The following DDX18 variants were observed in gnomAD, a reference collection of about 807,000 sequenced individuals.
The protein encoded by DDX18 is DEAD-box helicase 18.
DDX18 carries 23 observed loss-of-function variants against 73.5 expected under a neutral mutation model. The ratio of observed to expected loss-of-function variants is 0.31; its 90% confidence interval spans 0.23 to 0.44. DDX18 has a LOEUF of 0.44. Ranked by LOEUF, DDX18 falls within the 20% of genes least tolerant of loss-of-function variation. DDX18 has a pLI of 1.00. For missense variants in DDX18, 753 were observed against 792.9 expected (o/e 0.95, Z 0.60); for synonymous variants, 268 against 282.7 (o/e 0.95, Z 0.52).
chr2:117,820,006 C>G (rs1308719915), intron 3 of DDX18, among the ~76,000 whole-genome samples: 2 of 152,088 alleles, frequency 1.3e-5, no homozygotes, highest in East Asian at 1.9e-4. Flanking sequence ...TCCTTTTGTT[C>G]ATTCCTGACA....
At position 117,831,394 on chromosome 2, in the gene DDX18, T is replaced by A. The variant is rs1023670018; in HGVS notation, c.*670T>A. ...TTTGAATAAAGTGTCACTAAGCAGT[T>A]ATAACGTTTGATGGCTGGGGGGTAG... On this transcript the variant is annotated 3_prime_UTR_variant, in exon 14 of 14. Coordinates refer to ENST00000263239, the MANE Select transcript of DDX18 (RefSeq NM_006773.4). 1 of 152,240 alleles carries A rather than the reference T, an allele frequency of 6.6e-6. No individual in the cohort carries two copies. Among genetic ancestry groups the A allele is most frequent in the African/African-American group, 2.4e-5 (1 of 41,430 alleles). 9.4% of individuals were successfully genotyped at this position (152,240 alleles called of 1,614,324 possible).
chr2:117,823,335 A>G (rs1046425808), intron 7 of DDX18, among the ~76,000 whole-genome samples: 1 of 152,080 alleles, frequency 6.6e-6, no homozygotes, highest in Non-Finnish European at 1.5e-5. Flanking sequence ...TATTTTCTCT[A>G]TCATATTTAG....
intron 2 of DDX18, among the ~76,000 whole-genome samples, chr2:117,818,444 A>C (rs1327591944): frequency 6.6e-6 from 1 of 152,212 alleles, no homozygotes; most frequent in East Asian, 1.9e-4. Context: ...GAGTTGGAAC[A>C]TCCTATTCAT....
chr2:117,824,805 C>G (rs1337837144), intron 8 of DDX18, 97 bp downstream of exon 8: 1 of 1,469,552 alleles, frequency 6.8e-7, no homozygotes, highest in Non-Finnish European at 9.1e-7. Flanking sequence ...GGTTAATGAA[C>G]TTTTAAAATG....
intron 1 of DDX18, 80 bp downstream of exon 1, chr2:117,814,942 C>T: frequency 7.0e-7 from 1 of 1,425,792 alleles, no homozygotes; most frequent in South Asian, 1.1e-5. Flanking sequence ...GGCCCAGCTG[C>T]TCTGTGTGAC....
At chr2:117,824,084 G>T (rs939401188) in intron 7 of DDX18, among the ~76,000 whole-genome samples, 2 of 152,092 alleles carry the variant, frequency 1.3e-5, no homozygotes. Flanking sequence ...ATGTGCTCAC[G>T]AATTGTATTG....
rs141912599 is a variant in DDX18, at chr2:117,825,038, T to C, written c.1305T>C (p.Cys435=). The change falls in exon 9 of 14, where the codon TGT becomes TGC. Residue 435 remains cysteine (C), a synonymous_variant. Transcript: ENST00000263239. ...KKKLMVFFSS[C]MSVKYHYELL... ...AGCTTATGGTCTTCTTTTCATCTTGTATGTCTGTGAAATACCACTATGAGT... is the reference window on the plus strand; with the variant it reads ...AGCTTATGGTCTTCTTTTCATCTTGCATGTCTGTGAAATACCACTATGAGT... The C allele has an allele frequency of 1.2e-6, 2 of 1,613,998 alleles. No individual in the cohort carries two copies. The highest frequency in any genetic ancestry group is 2.7e-5 in the African/African-American group (2 of 74,920).
intron 1 of DDX18, 47 bp from the exon 2 acceptor site, chr2:117,817,397 A>G: frequency 6.6e-7 from 1 of 1,505,192 alleles, no homozygotes; most frequent in Non-Finnish European, 8.9e-7. Context: ...GTTTCTAAGT[A>G]AACTTCTCCT....
rs1679857073 is a variant in DDX18, at chr2:117,822,210, T to C, written c.1015T>C (p.Leu339=). The C allele has an allele frequency of 6.2e-7, 1 of 1,613,776 alleles. No individual in the cohort carries two copies. The highest frequency in any genetic ancestry group is 1.3e-5 in the African/African-American group (1 of 74,928). Residue 339 remains leucine, a synonymous_variant, in exon 7 of 14, where the codon TTG becomes CTG. Transcript: ENST00000263239. The part of the protein sequence containing the change: ...CLVIDEADRI[L]DVGFEEELKQ... ...GGTTATTGATGAAGCTGATCGTATC[T>C]TGGATGTGGGGTTTGAAGAGGAATT...
At chr2:117,826,825 G>A (rs532516030) in intron 11 of DDX18, 5 of 161,728 alleles carry the variant, frequency 3.1e-5, no homozygotes, top group African/African-American at 7.2e-5. Context: ...TCTTCCTTGC[G>A]GTTGGCGCTT....
At chr2:117,818,736 G>A (rs535116483) in intron 2 of DDX18, among the ~76,000 whole-genome samples, 1 of 152,182 alleles carries the variant, frequency 6.6e-6, no homozygotes, top group Admixed American at 6.5e-5. Context: ...TGTCCAAGCT[G>A]GTCTTGAACT....
chr2:117,820,976 G>A (rs1455592108), intron 3 of DDX18, among the ~76,000 whole-genome samples, 185 bp from the exon 4 acceptor site: 7 of 152,026 alleles, frequency 4.6e-5, no homozygotes, highest in Non-Finnish European at 1.0e-4. Flanking sequence ...TCACACAGCC[G>A]TTAACAGTGG....
chr2:117,827,243 C>T (rs1485419544), intron 11 of DDX18: 1 of 152,212 alleles, frequency 6.6e-6, no homozygotes, highest in Admixed American at 6.5e-5. Flanking sequence ...GGTTTCAGCT[C>T]GCCTCTGTCT....
chr2:117,820,692 A>G (rs1679831131), intron 3 of DDX18, among the ~76,000 whole-genome samples: 1 of 152,098 alleles, frequency 6.6e-6, no homozygotes, highest in Non-Finnish European at 1.5e-5. Flanking sequence ...GTATTACTTG[A>G]TACGTAGGCT....
intron 1 of DDX18, chr2:117,815,077 A>G (rs745900782): frequency 2.2e-5 from 13 of 584,552 alleles, no homozygotes; most frequent in Non-Finnish European, 3.7e-5. Context: ...CTGAGCAATC[A>G]GTGTCTTCTT....
chr2:117,817,199 A>G (rs1311652419), intron 1 of DDX18, among the ~76,000 whole-genome samples: 1 of 152,220 alleles, frequency 6.6e-6, no homozygotes, highest in Non-Finnish European at 1.5e-5. Context: ...TTAAAGTCAG[A>G]TGTACGGTCT....
intron 5 of DDX18, 21 bp from the exon 6 acceptor site, chr2:117,821,841 T>C (rs1361809604): frequency 6.2e-7 from 1 of 1,613,872 alleles, no homozygotes; most frequent in Middle Eastern, 1.6e-4. Flanking sequence ...CATTTAGACT[T>C]CTACCATATA....
chr2:117,821,600 C>T (rs763443388), intron 4 of DDX18, 50 bp from the exon 5 acceptor site: 5 of 1,597,740 alleles, frequency 3.1e-6, no homozygotes, highest in Admixed American at 1.7e-5. Flanking sequence ...TGTAGTACGT[C>T]GTAAATGAGT....
rs1490123133 is a variant in DDX18, at chr2:117,824,728, G to A, written c.1206+20G>A. 6.8e-7 allele frequency: 1 copy of A among 1,461,644 alleles called. No individual in the cohort carries two copies. The highest frequency in any genetic ancestry group is 2.5e-5 in the East Asian group (1 of 40,810). The allele number at this position is 1,461,644 out of a possible 1,614,324, so 90.5% of individuals were successfully genotyped here. A position where few individuals can be genotyped will look rare whatever the true frequency, so the allele number is the denominator to read the frequency against. On this transcript the variant is annotated intron_variant, in intron 8 of 13. Coordinates refer to ENST00000263239, the MANE Select transcript of DDX18 (RefSeq NM_006773.4). ...GAACAGGTACTTTTTATCAATAACT[G>A]AAAACTGTAGGGATCTTACTTGGTG...
Sources: gnomAD v4.1 joint callset for allele counts (sites outside exome capture counted in the v4.1 genomes callset) on GRCh38, gnomAD v4.1.1 for gene constraint, MANE v1.5 for transcripts, NCBI Gene and HGNC (gene_info 2026-07-23, HGNC 2026-07-21) for gene names.